BRD4: variants seen among roughly 807,000 people sequenced by gnomAD.
BRD4 encodes bromodomain-containing protein 4.
In BRD4, 16 loss-of-function variants were observed where a neutral mutation model predicts 142.1. The ratio of observed to expected loss-of-function variants is 0.11; its 90% CI spans 0.08 to 0.17. The LOEUF (loss-of-function observed/expected upper bound fraction) is 0.17, where lower values mean the gene tolerates loss of function less well. Ranked by LOEUF, BRD4 falls within the 10% of genes least tolerant of loss-of-function variation. The probability of loss-of-function intolerance (pLI) is 1.00; values close to 1 mark genes in which losing one functional copy is unlikely to be tolerated. For missense variants in BRD4, 1,424 were observed against 1,810.9 expected, an observed-to-expected ratio of 0.79 and a Z score of 3.88; for synonymous variants, 833 against 707.5, an observed-to-expected ratio of 1.18 and a Z score of -2.82.
At chr19:15,278,792 A>T (rs2047677314) in intron 1 of BRD4, among the ~76,000 whole-genome samples, 1 of 152,182 alleles carries the variant, frequency 6.6e-6, no homozygotes, top group Non-Finnish European at 1.5e-5. Context: ...AATGAAAATA[A>T]AAATGTAAAT....
At chr19:15,331,226 T>TGCA (rs2048154573) in intron 1 of BRD4, among the ~76,000 whole-genome samples, 2 of 152,182 alleles carry the variant, frequency 1.3e-5, no homozygotes, top group African/African-American at 4.8e-5. Context: ...ACATGACTCA[T>TGCA]GCACCGGCCT....
chr19:15,270,382 T>A (rs2047574274), intron 2 of BRD4, among the ~76,000 whole-genome samples: 1 of 152,142 alleles, frequency 6.6e-6, no homozygotes, highest in Non-Finnish European at 1.5e-5. Flanking sequence ...GGGCTACAAG[T>A]GCACACCCAG....
intron 1 of BRD4, among the ~76,000 whole-genome samples, chr19:15,297,971 C>T (rs2047837577): frequency 6.6e-6 from 1 of 152,200 alleles, no homozygotes; most frequent in Non-Finnish European, 1.5e-5. Flanking sequence ...GGAAGCATTA[C>T]AGGAGATTCT....
chr19:15,317,100 T>C (rs957999434), intron 1 of BRD4, among the ~76,000 whole-genome samples: 3 of 152,190 alleles, frequency 2.0e-5, no homozygotes, highest in African/African-American at 7.2e-5. Context: ...AGACAAGAGC[T>C]AGTGGGCTCT....
At chr19:15,303,117 A>C (rs914662384) in intron 1 of BRD4, among the ~76,000 whole-genome samples, 6 of 152,280 alleles carry the variant, frequency 3.9e-5, no homozygotes, top group African/African-American at 1.4e-4. Flanking sequence ...CAAGACCAAC[A>C]ATCTTAAAGG....
At chr19:15,330,278 CAG>C (rs2048145754) in intron 1 of BRD4, among the ~76,000 whole-genome samples, 1 of 152,158 alleles carries the variant, frequency 6.6e-6, no homozygotes, top group African/African-American at 2.4e-5. Context: ...TGGTGGATAA[CAG>C]AGCAGCAATA....
At chr19:15,276,075 C>T (rs1353416185) in intron 1 of BRD4, among the ~76,000 whole-genome samples, 3 of 152,208 alleles carry the variant, frequency 2.0e-5, no homozygotes, top group Non-Finnish European at 4.4e-5. Flanking sequence ...GGGACTCCTG[C>T]ACCCACTCTG....
At chr19:15,253,830 G>A (rs1432169452) in intron 11 of BRD4, 8 of 1,495,828 alleles carry the variant, frequency 5.3e-6, no homozygotes, top group African/African-American at 2.7e-5. Flanking sequence ...GGACCCCCAC[G>A]CCCACAGTCC....
rs758051348 is a variant in BRD4, at chr19:15,264,699, G to A, written c.917C>T (p.Pro306Leu). The A allele has an allele frequency of 1.9e-6, 3 of 1,613,256 alleles. No homozygotes were observed. The highest frequency in any genetic ancestry group is 1.7e-5 in the Admixed American group (1 of 60,024). ...CTTGGGCTCCGGGGGCAGCGAGGGT[G>A]GCTCGTGAATGGGGTCAATGGTGGT... ...TPTTIDPIHE[P>L]PSLPPEPKTT... Residue 306 changes from proline to leucine, a missense_variant, in exon 6 of 20, where the codon CCA (proline) becomes CTA (leucine). Physicochemically the swap from Pro to Leu is moderately conservative, Grantham distance 98. Coordinates refer to ENST00000679869, the MANE Select transcript of BRD4 (RefSeq NM_001379291.1).
intron 11 of BRD4, chr19:15,248,032 C>A (rs1019740889): frequency 9.1e-6 from 2 of 220,268 alleles, no homozygotes; most frequent in African/African-American, 4.5e-5. Context: ...TGATAGCCCA[C>A]TTCCAGTTCC....
intron 1 of BRD4, among the ~76,000 whole-genome samples, chr19:15,328,198 A>ACT (rs1481971590): frequency 9.2e-5 from 14 of 152,298 alleles, no homozygotes; most frequent in African/African-American, 3.4e-4. Context: ...GTACATAGTA[A>ACT]GGGCTCAAGG....
At chr19:15,263,170 G>A (rs1418954112) in intron 7 of BRD4, among the ~76,000 whole-genome samples, 2 of 152,186 alleles carry the variant, frequency 1.3e-5, no homozygotes, top group Non-Finnish European at 2.9e-5. Flanking sequence ...GCACACACCC[G>A]GTCTTCCAGC....
chr19:15,242,825 C>G, intron 14 of BRD4, 75 bp downstream of exon 14: 3 of 1,545,794 alleles, frequency 1.9e-6, no homozygotes, highest in East Asian at 2.4e-5. Flanking sequence ...ATGAGTTAAC[C>G]CTTCTGGCTT....
intron 11 of BRD4, chr19:15,253,165 GCTCA>G (rs2047365766): frequency 3.3e-6 from 1 of 305,280 alleles, no homozygotes; most frequent in African/African-American, 2.1e-5. Context: ...CAGCACGCCA[GCTCA>G]CTGACAGCTG....
intron 7 of BRD4, among the ~76,000 whole-genome samples, chr19:15,257,865 G>A (rs1229002571): frequency 1.3e-5 from 2 of 152,148 alleles, no homozygotes; most frequent in South Asian, 2.1e-4. Context: ...GCCACTGTGC[G>A]CAGGAGACCC....
At chr19:15,282,977 ATAAAT>A (rs2047716075) in intron 1 of BRD4, among the ~76,000 whole-genome samples, 3 of 152,186 alleles carry the variant, frequency 2.0e-5, no homozygotes, top group Admixed American at 2.0e-4. Context: ...AAAAATAATA[ATAAAT>A]TAAATAATTA....
At chr19:15,303,785 C>G (rs1042338042) in intron 1 of BRD4, among the ~76,000 whole-genome samples, 1 of 152,208 alleles carries the variant, frequency 6.6e-6, no homozygotes, top group African/African-American at 2.4e-5. Flanking sequence ...AGAGCTCACA[C>G]AACCACTTCT....
intron 14 of BRD4, among the ~76,000 whole-genome samples, chr19:15,240,367 G>T (rs1568376538): frequency 6.6e-6 from 1 of 152,342 alleles, no homozygotes; most frequent in South Asian, 2.1e-4. Context: ...GGAAAACACA[G>T]ATCCTGACAC....
chr19:15,252,211 T>C (rs34749420), intron 11 of BRD4, among the ~76,000 whole-genome samples: 26,384 of 152,170 alleles, frequency 0.17, 2,385 homozygotes, highest in Middle Eastern at 0.2. Context: ...GCAAAGGCCA[T>C]GATCACACAC....
Sources: allele counts gnomAD v4.1 joint callset (sites outside exome capture counted in the v4.1 genomes callset), GRCh38; gene constraint gnomAD v4.1.1; transcripts MANE v1.5; gene names NCBI Gene and HGNC (gene_info 2026-07-23, HGNC 2026-07-21).